ANKRD50: variants seen among roughly 807,000 people sequenced by gnomAD.
ANKRD50 encodes ankyrin repeat domain-containing protein 50.
In ANKRD50, 40 loss-of-function variants were observed where a neutral mutation model predicts 112.0. That is an observed-to-expected ratio of 0.36 (90% CI 0.28 to 0.46). The LOEUF is 0.46. Ranked by LOEUF, ANKRD50 falls within the 20% of genes least tolerant of loss-of-function variation. The pLI is 1.00. For synonymous variants in ANKRD50, 613 were observed against 619.1 expected, an observed-to-expected ratio of 0.99 and a Z score of 0.15; for missense variants, 1,487 against 1,701.7, an observed-to-expected ratio of 0.87 and a Z score of 2.22.
rs1730587424 is a variant in ANKRD50, at chr4:124,669,771, T to C, written c.3506A>G (p.Asp1169Gly). The C allele has an allele frequency of 1.2e-6, 2 of 1,613,126 alleles. No individual in the cohort carries two copies. The highest frequency in any genetic ancestry group is 1.3e-5 in the African/African-American group (1 of 74,806). The change falls in exon 4 of 5, where the codon GAT becomes GGT. Residue 1169 changes from aspartate to glycine, a missense_variant. Physicochemically the swap from Asp to Gly is moderately conservative, Grantham distance 94 (BLOSUM62 -1). Coordinates refer to ENST00000504087, the MANE Select transcript of ANKRD50 (RefSeq NM_020337.3). Reference protein sequence around the residue: ...HAFSSPSESPDSTVDRQKSSL... With the variant: ...HAFSSPSESPGSTVDRQKSSL... ...TGACTTCTGCCGGTCAACTGTAGAATCTGGAGATTCTGAAGGAGAACTAAA... is the reference window on the plus strand; with the variant it reads ...TGACTTCTGCCGGTCAACTGTAGAACCTGGAGATTCTGAAGGAGAACTAAA...
rs371747399 is a variant in ANKRD50 at position 124,670,600 on chromosome 4, A to G, written c.2677T>C (p.Tyr893His). The stretch of plus-strand genomic sequence containing the variant: ...TCCAGTAATATTTGAACACAATCAT[A>G]ATGACCCTCTTGTGAAGCTAATATG... ...PFILASQEGH[Y>H]DCVQILLENK... The change falls in exon 4 of 5, where the codon TAT becomes CAT. Residue 893 changes from tyrosine (Y) to histidine (H), a missense_variant. By Grantham distance (83) the Tyr-to-His change is moderately conservative (BLOSUM62 2). Transcript: ENST00000504087. 1.2e-6 allele frequency: 2 copies of G among 1,613,410 alleles called. No individual in the cohort carries two copies. The highest frequency in any genetic ancestry group is 1.7e-6 in the Non-Finnish European group (2 of 1,179,812).
At position 124,671,393 on chromosome 4, in the gene ANKRD50, A is replaced by G. The variant is rs1730648925; in HGVS notation, c.1884T>C (p.Ser628=). ...CTTTTACGCCAGCATAAAGTAGTGCAGAAACTACCTCAGTATGGCCACCCC... is the reference window on the plus strand; with the variant it reads ...CTTTTACGCCAGCATAAAGTAGTGCGGAAACTACCTCAGTATGGCCACCCC... The part of the protein sequence containing the change: ...AAWGGHTEVV[S]ALLYAGVKVD... The change falls in exon 4 of 5, where the codon TCT becomes TCC. Residue 628 remains serine (S), a synonymous_variant. Transcript: ENST00000504087. The G allele has an allele frequency of 6.2e-7, 1 of 1,613,914 alleles. No individual in the cohort carries two copies. Among genetic ancestry groups the G allele is most frequent in the Non-Finnish European group, 8.5e-7 (1 of 1,179,870 alleles).
chr4:124,702,976 A>G (rs923000874), intron 2 of ANKRD50, among the ~76,000 whole-genome samples: 1 of 152,056 alleles, frequency 6.6e-6, no homozygotes, highest in Admixed American at 6.6e-5. Context: ...GATCAGAATG[A>G]TAAGGCTGTT....
Position 124,671,416 on chromosome 4 carries a change from C to T in ANKRD50, c.1861G>A (p.Gly621Ser). The T allele has an allele frequency of 6.2e-7, 1 of 1,613,796 alleles. No homozygotes were observed. Among genetic ancestry groups the T allele is most frequent in the Non-Finnish European group, 8.5e-7 (1 of 1,179,858 alleles). Residue 621 changes from glycine (G) to serine (S), a missense_variant, in exon 4 of 5, where the codon GGT becomes AGT. Transcript: ENST00000504087. Reference protein sequence around the residue: ...GWTALRSAAWGGHTEVVSALL... With the variant: ...GWTALRSAAWSGHTEVVSALL... The stretch of plus-strand genomic sequence containing the variant: ...GCAGAAACTACCTCAGTATGGCCAC[C>T]CCAAGCAGCAGATCTTAATGCTGTC...
intron 2 of ANKRD50, among the ~76,000 whole-genome samples, chr4:124,695,411 G>A (rs1725230487): frequency 6.6e-6 from 1 of 152,120 alleles, no homozygotes; most frequent in Non-Finnish European, 1.5e-5. Flanking sequence ...AACCAAACCG[G>A]CAAAGCTTTC....
intron 4 of ANKRD50, among the ~76,000 whole-genome samples, chr4:124,668,708 AG>A (rs1006471034): frequency 3.3e-5 from 5 of 152,108 alleles, no homozygotes; most frequent in African/African-American, 9.7e-5. Context: ...ACCCTCACAA[AG>A]GTTGTATTTT....
intron 2 of ANKRD50, among the ~76,000 whole-genome samples, chr4:124,680,611 G>A (rs1375468262): frequency 6.6e-6 from 1 of 152,088 alleles, no homozygotes; most frequent in African/African-American, 2.4e-5. Flanking sequence ...GCATAAAGAT[G>A]GCTGATGAAA....
intron 2 of ANKRD50, among the ~76,000 whole-genome samples, chr4:124,690,187 T>C (rs1436102302): frequency 6.6e-6 from 1 of 152,210 alleles, no homozygotes; most frequent in African/African-American, 2.4e-5. Context: ...ACATTTGGAA[T>C]ATGCCAAAAT....
intron 2 of ANKRD50, among the ~76,000 whole-genome samples, chr4:124,695,010 T>C (rs1010323591): frequency 3.3e-5 from 5 of 152,152 alleles, no homozygotes; most frequent in African/African-American, 4.8e-5. Flanking sequence ...AGAAAATGTA[T>C]AGGTATAAAG....
chr4:124,699,842 G>A (rs1351124381), intron 2 of ANKRD50, among the ~76,000 whole-genome samples: 1 of 149,940 alleles, frequency 6.7e-6, no homozygotes, highest in African/African-American at 2.4e-5. Flanking sequence ...AATTACCAGT[G>A]TGAAGAAGAT....
chr4:124,702,667 A>T (rs1402086179), intron 2 of ANKRD50, among the ~76,000 whole-genome samples: 1 of 152,174 alleles, frequency 6.6e-6, no homozygotes, highest in African/African-American at 2.4e-5. Flanking sequence ...ACTTGTAGAT[A>T]ATAATCAAGC....
At chr4:124,705,267 T>C (rs1725480423) in intron 2 of ANKRD50, among the ~76,000 whole-genome samples, 1 of 152,194 alleles carries the variant, frequency 6.6e-6, no homozygotes, top group South Asian at 2.1e-4. Flanking sequence ...GGTCTCCCAG[T>C]TTGCACTCTT....
intron 2 of ANKRD50, among the ~76,000 whole-genome samples, chr4:124,704,817 G>C (rs555170327): frequency 6.6e-6 from 1 of 152,264 alleles, no homozygotes; most frequent in Non-Finnish European, 1.5e-5. Flanking sequence ...CAACACGGCT[G>C]GGCGCAGTGG....
At chr4:124,678,387 A>G (rs1724792047) in intron 3 of ANKRD50, among the ~76,000 whole-genome samples, 1 of 152,140 alleles carries the variant, frequency 6.6e-6, no homozygotes, top group African/African-American at 2.4e-5. Flanking sequence ...TAAATTGATC[A>G]TGATACAACA....
rs1730441150 is a variant in ANKRD50, at chr4:124,664,350, C to T, written c.*3168G>A. 1 of 151,954 alleles carries T rather than the reference C, an allele frequency of 6.6e-6. No homozygotes were observed. Among genetic ancestry groups the T allele is most frequent in the South Asian group, 2.1e-4 (1 of 4,820 alleles). 9.4% of individuals were successfully genotyped at this position (151,954 alleles called of 1,614,324 possible). A position where few individuals can be genotyped will look rare whatever the true frequency, so the allele number is the denominator to read the frequency against. On this transcript the variant is annotated 3_prime_UTR_variant, in exon 5 of 5. Coordinates refer to ENST00000504087, the MANE Select transcript of ANKRD50 (RefSeq NM_020337.3). Reference sequence around the variant, plus strand: ...GGACAGTGTTATATTTCACTTTCTTCTTTGCAAAATGTTTCCAAATTCATT... The same window carrying T: ...GGACAGTGTTATATTTCACTTTCTTTTTTGCAAAATGTTTCCAAATTCATT...
Position 124,672,129 on chromosome 4 carries a change from T to C in ANKRD50, c.1148A>G (p.Glu383Gly). ...GATATCTAACTTGCGTTGAAAATCT[T>C]CCAAAGTTAACGACATGTTTTTGGT... ...VWTKNMSLTL[E>G]DFQRKLDILS... Residue 383 changes from glutamate to glycine, a missense_variant, in exon 4 of 5, where the codon GAA becomes GGA. Physicochemically the swap from Glu to Gly is moderately conservative, Grantham distance 98. This residue lies in a region of ANKRD50 where 1,046 missense variants were observed against 1,269.5 expected (regional missense o/e 0.82). Transcript: ENST00000504087. The C allele has an allele frequency of 1.9e-6, 3 of 1,613,888 alleles. No homozygotes were observed. Among genetic ancestry groups the C allele is most frequent in the African/African-American group, 1.3e-5 (1 of 75,016 alleles).
intron 2 of ANKRD50, among the ~76,000 whole-genome samples, chr4:124,687,903 C>A (rs137940741): frequency 6.6e-6 from 1 of 152,188 alleles, no homozygotes; most frequent in Non-Finnish European, 1.5e-5. Flanking sequence ...CCATTTCCAA[C>A]GGTACAACCA....
intron 2 of ANKRD50, among the ~76,000 whole-genome samples, chr4:124,691,291 G>A (rs1489571589): frequency 1.3e-5 from 2 of 151,650 alleles, no homozygotes; most frequent in African/African-American, 2.4e-5. Context: ...AGGAGATCGA[G>A]ACCATCCTGG....
intron 2 of ANKRD50, among the ~76,000 whole-genome samples, chr4:124,690,745 AC>A (rs1377037238): frequency 6.6e-6 from 1 of 152,182 alleles, no homozygotes; most frequent in Admixed American, 6.5e-5. Flanking sequence ...TAAAAATTAT[AC>A]TACTAGAACA....
Sources: allele counts gnomAD v4.1 joint callset (sites outside exome capture counted in the v4.1 genomes callset), GRCh38; gene constraint gnomAD v4.1.1; regional missense constraint gnomAD v4.1.1; transcripts MANE v1.5; gene names NCBI Gene and HGNC (gene_info 2026-07-23, HGNC 2026-07-21).